The following VWC2L variants were observed in gnomAD, a reference collection of about 807,000 sequenced individuals.
VWC2L encodes the protein von Willebrand factor C domain-containing protein 2-like.
VWC2L carries 10 observed loss-of-function variants against 21.6 expected under a neutral mutation model. The ratio of observed to expected loss-of-function variants is 0.46; its 90% CI spans 0.29 to 0.78. The LOEUF (loss-of-function observed/expected upper bound fraction) is 0.78. Among genes scored for constraint, VWC2L ranks in the 30% least tolerant of loss-of-function variants. The probability of loss-of-function intolerance (pLI) is 0.10; values close to 1 mark genes in which losing one functional copy is unlikely to be tolerated. For missense variants in VWC2L, 209 were observed against 277.1 expected, an observed-to-expected ratio of 0.75 and a Z score of 1.74; for synonymous variants, 96 against 94.3, an observed-to-expected ratio of 1.02 and a Z score of -0.10.
At chr2:214,510,485 C>G (rs1462647287) in intron 3 of VWC2L, among the ~76,000 whole-genome samples, 1 of 152,176 alleles carries the variant, frequency 6.6e-6, no homozygotes, top group Non-Finnish European at 1.5e-5. Context: ...GAAAAACCGA[C>G]AAGGTACTTT....
At chr2:214,428,829 A>AG in intron 2 of VWC2L, among the ~76,000 whole-genome samples, 1 of 151,728 alleles carries the variant, frequency 6.6e-6, no homozygotes, top group Non-Finnish European at 1.5e-5. Context: ...AAAAAAAAAA[A>AG]AAAAAGGAGT....
intron 3 of VWC2L, among the ~76,000 whole-genome samples, chr2:214,447,792 C>A (rs964660160): frequency 8.5e-5 from 13 of 152,082 alleles, no homozygotes; most frequent in African/African-American, 2.9e-4. Context: ...CAGATTCCCT[C>A]CGTCTAAACC....
At chr2:214,463,673 T>C (rs1371242186) in intron 3 of VWC2L, among the ~76,000 whole-genome samples, 1 of 152,164 alleles carries the variant, frequency 6.6e-6, no homozygotes, top group Non-Finnish European at 1.5e-5. Context: ...ATATTTTTGT[T>C]TGTTGGATAT....
At chr2:214,436,843 C>A in intron 3 of VWC2L, 85 bp downstream of exon 3, 1 of 1,503,436 alleles carries the variant, frequency 6.7e-7, no homozygotes, top group African/African-American at 1.4e-5. Flanking sequence ...AATGCAAGAC[C>A]CCTCTAAGAT....
At chr2:214,427,857 T>A (rs1702548314) in intron 2 of VWC2L, among the ~76,000 whole-genome samples, 1 of 152,210 alleles carries the variant, frequency 6.6e-6, no homozygotes, top group African/African-American at 2.4e-5. Flanking sequence ...TGTTTAGTAA[T>A]AATGGTAAGA....
At chr2:214,562,346 G>A (rs1574638004) in intron 3 of VWC2L, among the ~76,000 whole-genome samples, 1 of 152,204 alleles carries the variant, frequency 6.6e-6, no homozygotes, top group Non-Finnish European at 1.5e-5. Context: ...TGGCTGCATA[G>A]TATTCCATTG....
chr2:214,494,984 T>C (rs531745670), intron 3 of VWC2L, among the ~76,000 whole-genome samples: 8 of 152,308 alleles, frequency 5.3e-5, no homozygotes, highest in Admixed American at 3.3e-4. Context: ...GTTCCTGAAC[T>C]GCCTTCTAAT....
In VWC2L at chr2:214,454,598, C is replaced by CTTTTTTTTTT. The variant is rs34032234; in HGVS notation, c.520+17854_520+17863dup. On this transcript the variant is annotated intron_variant, in intron 3 of 3. Transcript: ENST00000312504. ...ATACTGAATTACATTGATTGATTTT[C>CTTTTTTTTTT]TTTTTTTTTTTTTTTTTTTTTTTGA... is the stretch of plus-strand genomic sequence containing the variant. Among the ~76,000 whole-genome samples the CTTTTTTTTTT allele has an allele frequency of 4.2e-4, 27 of 64,146 alleles. 3 individuals are homozygous for CTTTTTTTTTT. The highest frequency in any genetic ancestry group is 8.4e-4 in the African/African-American group (13 of 15,534). 42.1% of individuals were successfully genotyped at this position (64,146 alleles called of 152,430 possible). A position where few individuals can be genotyped will look rare whatever the true frequency, so the allele number is the denominator to read the frequency against.
intron 2 of VWC2L, among the ~76,000 whole-genome samples, chr2:214,433,462 T>C (rs530573143): frequency 2.6e-5 from 4 of 152,246 alleles, no homozygotes; most frequent in African/African-American, 7.2e-5. Context: ...TTTTTCTGGG[T>C]ACTTCTTTCA....
At chr2:214,457,799 A>G (rs999172336) in intron 3 of VWC2L, among the ~76,000 whole-genome samples, 1 of 151,988 alleles carries the variant, frequency 6.6e-6, no homozygotes, top group East Asian at 1.9e-4. Context: ...CCATCCCTAT[A>G]TCTCTGGAAG....
chr2:214,562,151 C>A (rs1227119490), intron 3 of VWC2L, among the ~76,000 whole-genome samples: 1 of 152,022 alleles, frequency 6.6e-6, no homozygotes, highest in Non-Finnish European at 1.5e-5. Flanking sequence ...TCTCCCTCCC[C>A]CAACTACACC....
At chr2:214,538,103 A>T (rs912847397) in intron 3 of VWC2L, among the ~76,000 whole-genome samples, 2 of 152,098 alleles carry the variant, frequency 1.3e-5, no homozygotes, top group African/African-American at 4.8e-5. Context: ...GTGAGGAGTC[A>T]TGGTAAACAA....
Position 214,512,129 on chromosome 2 carries a change from C to T in VWC2L, c.521-63543C>T, listed in dbSNP as rs529311772. On this transcript the variant is annotated intron_variant, in intron 3 of 3. Coordinates refer to ENST00000312504, the MANE Select transcript of VWC2L (RefSeq NM_001080500.4). Reference sequence around the variant, plus strand: ...CTTGATTATGGTTTCATAGAGTGCACACAAGACTGATTAAAATAAATTTTT... The same window carrying T: ...CTTGATTATGGTTTCATAGAGTGCATACAAGACTGATTAAAATAAATTTTT... Among the ~76,000 whole-genome samples, 85 of 152,102 alleles carry T rather than the reference C, an allele frequency of 5.6e-4. No individual in the cohort carries two copies. The South Asian group carries it at 8.5e-3, about 15-fold the overall frequency.
Position 214,519,259 on chromosome 2 carries a change from C to T in VWC2L, c.521-56413C>T, listed in dbSNP as rs540509025. On this transcript the variant is annotated intron_variant, in intron 3 of 3. Coordinates refer to ENST00000312504, the MANE Select transcript of VWC2L (RefSeq NM_001080500.4). Reference sequence around the variant, plus strand: ...TTACCCATGTACTGCTGCTCTTTCACCCACCGAAGAAAAAATTTATGAAGC... The same window carrying T: ...TTACCCATGTACTGCTGCTCTTTCATCCACCGAAGAAAAAATTTATGAAGC... Among the ~76,000 whole-genome samples, 69 of 152,198 alleles carry T rather than the reference C, an allele frequency of 4.5e-4. 1 individual carries two copies. In the Middle Eastern group the frequency reaches 0.01, roughly 23 times the overall value.
chr2:214,440,274 T>C (rs577093308), intron 3 of VWC2L, among the ~76,000 whole-genome samples: 45 of 152,056 alleles, frequency 3.0e-4, no homozygotes, highest in African/African-American at 8.9e-4. Flanking sequence ...TTGGTGAGAA[T>C]TGGGGGGATT....
chr2:214,470,127 T>A (rs1181921866), intron 3 of VWC2L, among the ~76,000 whole-genome samples: 1 of 151,616 alleles, frequency 6.6e-6, no homozygotes, highest in Admixed American at 6.6e-5. Flanking sequence ...TATGAACCCA[T>A]TACAGAATAA....
chr2:214,502,137 T>C (rs1470920239), intron 3 of VWC2L, among the ~76,000 whole-genome samples: 1 of 152,252 alleles, frequency 6.6e-6, no homozygotes. Flanking sequence ...TTCAATATTT[T>C]TCATTTTTTC....
intron 3 of VWC2L, among the ~76,000 whole-genome samples, chr2:214,493,162 C>T (rs1197347997): frequency 6.6e-6 from 1 of 152,096 alleles, no homozygotes; most frequent in East Asian, 1.9e-4. Context: ...GAAAATTAGG[C>T]AAAATGTAGC....
intron 3 of VWC2L, among the ~76,000 whole-genome samples, chr2:214,559,107 C>G (rs988045890): frequency 6.7e-6 from 1 of 149,510 alleles, no homozygotes; most frequent in South Asian, 2.1e-4. Context: ...GGGCTAATAT[C>G]CAGAATCTAC....
Sources: gnomAD v4.1 joint callset for allele counts (sites outside exome capture counted in the v4.1 genomes callset) on GRCh38, gnomAD v4.1.1 for gene constraint, MANE v1.5 for transcripts, NCBI Gene and HGNC (gene_info 2026-07-23, HGNC 2026-07-21) for gene names.